OSBPL3: variants seen among roughly 807,000 people sequenced by gnomAD.
OSBPL3 encodes oxysterol binding protein like 3.
OSBPL3 carries 65 observed loss-of-function variants against 120.1 expected under a neutral mutation model. The observed-to-expected ratio is 0.54, with a 90% confidence interval of 0.44 to 0.67. The LOEUF is 0.67. Among genes scored for constraint, OSBPL3 ranks in the 30% least tolerant of loss-of-function variants. The pLI is 0.00. For missense variants in OSBPL3, 1,004 were observed against 1,082.1 expected, an observed-to-expected ratio of 0.93 and a Z score of 1.01; for synonymous variants, 416 against 402.6, an observed-to-expected ratio of 1.03 and a Z score of -0.40.
rs895560523 is a variant in OSBPL3, at chr7:24,883,277, GGATATCAGAT to G, written c.96+9090_96+9099del. 2.0e-5 allele frequency among the ~76,000 whole-genome samples: 3 copies of G among 152,048 alleles called. No individual in the cohort carries two copies. The highest frequency in any genetic ancestry group is 4.4e-5 in the Non-Finnish European group (3 of 68,004). ...TAGGGCCAGGGTGTAGGTTTTAGAG[GGATATCAGAT>G]GACACTAGGGAAGTCTTCTGTTGTG... On this transcript the variant is annotated intron_variant, in intron 2 of 22. Transcript: ENST00000313367. This position sits in a 1 kb window ranked among gnomAD's most constrained non-coding sequence, Gnocchi z 5.4.
intron 1 of OSBPL3, among the ~76,000 whole-genome samples, chr7:24,911,454 C>A (rs1808807735): frequency 6.6e-6 from 1 of 152,174 alleles, no homozygotes; most frequent in Admixed American, 6.5e-5. Flanking sequence ...AACTTATCAT[C>A]TTTTCAGAAA....
chr7:24,874,566 C>G (rs184167403), intron 2 of OSBPL3, among the ~76,000 whole-genome samples: 5 of 152,132 alleles, frequency 3.3e-5, no homozygotes, highest in African/African-American at 1.2e-4. Context: ...TGGACTGTTC[C>G]TCCTCCTGAG....
chr7:24,881,083 G>A lies in OSBPL3; in HGVS notation c.97-9014C>T, dbSNP rs554960628. On this transcript the variant is annotated intron_variant, in intron 2 of 22. Coordinates refer to ENST00000313367, the MANE Select transcript of OSBPL3 (RefSeq NM_015550.4). This position sits in a 1 kb window ranked among gnomAD's most constrained non-coding sequence, Gnocchi z 4.3. ...CTGGACAGCACCAGCTGAGAACAGT[G>A]CTCTCTCTTACAGAGTGCTCAAAAC... Among the ~76,000 whole-genome samples, 38 of 152,292 alleles carry A rather than the reference G, an allele frequency of 2.5e-4. 1 individual carries two copies. In the South Asian group the frequency reaches 7.9e-3, roughly 32 times the overall value.
chr7:24,809,781 T>G (rs749436647), intron 20 of OSBPL3, 26 bp downstream of exon 20: 21 of 1,612,800 alleles, frequency 1.3e-5, no homozygotes, highest in South Asian at 1.1e-5. Context: ...ACTCACAGCC[T>G]GGGGTCCACA....
intron 5 of OSBPL3, among the ~76,000 whole-genome samples, chr7:24,869,196 A>C (rs1215202635): frequency 2.0e-5 from 3 of 152,260 alleles, no homozygotes; most frequent in Non-Finnish European, 4.4e-5. Flanking sequence ...TGCATTTATC[A>C]CAATATTAGC....
At chr7:24,882,135 T>C (rs1404373987) in intron 2 of OSBPL3, among the ~76,000 whole-genome samples, 2 of 152,222 alleles carry the variant, frequency 1.3e-5, no homozygotes, top group African/African-American at 2.4e-5. Flanking sequence ...TATATATTTA[T>C]AGGGTACCTG....
intron 2 of OSBPL3, among the ~76,000 whole-genome samples, chr7:24,890,840 T>C (rs148288405): frequency 1.1e-4 from 16 of 152,330 alleles, no homozygotes; most frequent in Admixed American, 5.9e-4. Context: ...CCCTTCATGA[T>C]GTAACTTCCA....
At position 24,797,890 on chromosome 7, in the gene OSBPL3, C is replaced by T; in HGVS notation, c.*2293G>A. 1 of 152,164 alleles carries T rather than the reference C, an allele frequency of 6.6e-6. No individual in the cohort carries two copies. The allele number at this position is 152,164 out of a possible 1,614,324, so 9.4% of individuals were successfully genotyped here. On this transcript the variant is annotated 3_prime_UTR_variant, in exon 23 of 23. Coordinates refer to ENST00000313367, the MANE Select transcript of OSBPL3 (RefSeq NM_015550.4). This position sits in a 1 kb window ranked among gnomAD's most constrained non-coding sequence, Gnocchi z 4.8. Reference sequence around the variant, plus strand: ...CTTCCTCTTAAAACTATAAAATGTCCTAGAGACATACATTTGGGGGAAAGA... The same window carrying T: ...CTTCCTCTTAAAACTATAAAATGTCTTAGAGACATACATTTGGGGGAAAGA...
At chr7:24,868,461 G>A (rs538571643) in intron 5 of OSBPL3, among the ~76,000 whole-genome samples, 1 of 148,712 alleles carries the variant, frequency 6.7e-6, no homozygotes, top group South Asian at 2.1e-4. Context: ...GATTTATGAA[G>A]CTGTAATTTA....
In OSBPL3 at chr7:24,862,674, C is replaced by T. The variant is rs1451520164; in HGVS notation, c.870+526G>A. On this transcript the variant is annotated intron_variant, in intron 9 of 22. Coordinates refer to ENST00000313367, the MANE Select transcript of OSBPL3 (RefSeq NM_015550.4). The surrounding 1 kb of genome is among the most constrained non-coding windows in gnomAD (Gnocchi z 4.4). ...AATCTTGGCCTGTGGCTTAGCTGTG[C>T]ATTGGGAAAGCTCCTAGCATGACAC... Among the ~76,000 whole-genome samples the T allele has an allele frequency of 6.6e-6, 1 of 152,124 alleles. No homozygotes were observed. Among genetic ancestry groups the T allele is most frequent in the Non-Finnish European group, 1.5e-5 (1 of 68,020 alleles).
intron 1 of OSBPL3, among the ~76,000 whole-genome samples, chr7:24,927,934 A>T (rs1375446294): frequency 6.6e-6 from 1 of 151,880 alleles, no homozygotes; most frequent in Non-Finnish European, 1.5e-5. Context: ...CCAGTGTTGG[A>T]GGTAGGGCCT....
At chr7:24,920,560 C>T (rs1191636860) in intron 1 of OSBPL3, among the ~76,000 whole-genome samples, 3 of 152,146 alleles carry the variant, frequency 2.0e-5, no homozygotes, top group Non-Finnish European at 4.4e-5. Flanking sequence ...GTGATGGTAA[C>T]ATGACTCTGA....
intron 1 of OSBPL3, among the ~76,000 whole-genome samples, chr7:24,919,852 C>T (rs965645480): frequency 6.6e-6 from 1 of 151,190 alleles, no homozygotes; most frequent in Non-Finnish European, 1.5e-5. Context: ...CATATAACTA[C>T]AATAGACATT....
At chr7:24,807,541 A>T (rs751494554) in intron 20 of OSBPL3, among the ~76,000 whole-genome samples, 11 of 152,052 alleles carry the variant, frequency 7.2e-5, no homozygotes. Flanking sequence ...AAACATACTA[A>T]TATCAGCTCT....
Position 24,965,734 on chromosome 7 carries a change from G to A in OSBPL3, c.-150+14152C>T, listed in dbSNP as rs1199227802. Among the ~76,000 whole-genome samples the A allele has an allele frequency of 6.6e-6, 1 of 152,100 alleles. No individual in the cohort carries two copies. The highest frequency in any genetic ancestry group is 1.9e-4 in the East Asian group (1 of 5,194). On this transcript the variant is annotated intron_variant, in intron 1 of 22. Transcript: ENST00000313367. The surrounding 1 kb of genome is among the most constrained non-coding windows in gnomAD (Gnocchi z 4.3). ...AAATAATTAATTTGTTTGTTTTTGT[G>A]GAGACTGAGTCTCAGTATTCTAACC...
In OSBPL3 at chr7:24,917,466, TATAC is replaced by T. The variant is rs1312755057; in HGVS notation, c.-149-24849_-149-24846del. On this transcript the variant is annotated intron_variant, in intron 1 of 22. Transcript: ENST00000313367. The stretch of plus-strand genomic sequence containing the variant: ...ATATATACACACACATATATATATA[TATAC>T]ACACACACACACACACACTTAAACA... Among the ~76,000 whole-genome samples the T allele has an allele frequency of 4.0e-3, 485 of 121,180 alleles. 23 individuals are homozygous for T. Among genetic ancestry groups the T allele is most frequent in the East Asian group, 0.032 (97 of 3,034 alleles). 79.5% of individuals were successfully genotyped at this position (121,180 alleles called of 152,430 possible).
Position 24,815,136 on chromosome 7 carries a change from A to C in OSBPL3, c.2095T>G (p.Trp699Gly), listed in dbSNP as rs1315798613. The C allele has an allele frequency of 6.2e-7, 1 of 1,612,690 alleles. No individual in the cohort carries two copies. Residue 699 changes from tryptophan (W) to glycine (G), a missense_variant, in exon 19 of 23, where the codon TGG becomes GGG. By Grantham distance (184) the Trp-to-Gly change is radical. Transcript: ENST00000313367. This position sits in a 1 kb window ranked among gnomAD's most constrained non-coding sequence, Gnocchi z 5.1. Reference protein sequence around the residue: ...CIHNILSGQRWIEHYGEIVIK... With the variant: ...CIHNILSGQRGIEHYGEIVIK... ...ACAATCTCTCCATAGTGCTCAATCC[A>C]CCTCTGCCCGCTTAAGATGTTATGG...
At chr7:24,839,138 A>G (rs1314907308) in intron 14 of OSBPL3, among the ~76,000 whole-genome samples, 1 of 152,214 alleles carries the variant, frequency 6.6e-6, no homozygotes, top group Non-Finnish European at 1.5e-5. Flanking sequence ...TGAAATATCA[A>G]AAAGGTGCCT....
rs1351274199 is a variant in OSBPL3 at position 24,899,883 on chromosome 7, T to C, written c.-149-7262A>G. On this transcript the variant is annotated intron_variant, in intron 1 of 22. Coordinates refer to ENST00000313367, the MANE Select transcript of OSBPL3 (RefSeq NM_015550.4). The surrounding 1 kb of genome is among the most constrained non-coding windows in gnomAD (Gnocchi z 4.0). ...CAGAATTTCTATCTAGAGACGGGCCTGATAATCTGCATGTTTAACACATGC... is the reference window on the plus strand; with the variant it reads ...CAGAATTTCTATCTAGAGACGGGCCCGATAATCTGCATGTTTAACACATGC... 6.6e-6 allele frequency among the ~76,000 whole-genome samples: 1 copy of C among 152,258 alleles called. No individual in the cohort carries two copies. The highest frequency in any genetic ancestry group is 1.5e-5 in the Non-Finnish European group (1 of 68,042).
Sources: gnomAD v4.1 joint callset for allele counts (sites outside exome capture counted in the v4.1 genomes callset) on GRCh38, gnomAD v4.1.1 for gene constraint, Gnocchi (gnomAD v3.1) non-coding constraint, MANE v1.5 for transcripts, NCBI Gene and HGNC (gene_info 2026-07-23, HGNC 2026-07-21) for gene names.